TRIM28: variants seen among roughly 807,000 people sequenced by gnomAD.
The protein encoded by TRIM28 is transcription intermediary factor 1-beta.
In TRIM28, 8 loss-of-function variants were observed where a neutral mutation model predicts 87.4. That is an observed-to-expected ratio of 0.09 (90% CI 0.05 to 0.17). TRIM28 has a LOEUF of 0.17. TRIM28 is among the 10% of genes least tolerant of loss of function. The probability of loss-of-function intolerance (pLI) is 1.00; values close to 1 mark genes in which losing one functional copy is unlikely to be tolerated. For missense variants in TRIM28, 968 were observed against 1,131.8 expected (o/e 0.86, Z 2.08); for synonymous variants, 601 against 454.3 (o/e 1.32, Z -4.11).
In TRIM28 at chr19:58,550,128, G is replaced by A. The variant is rs754421629; in HGVS notation, c.2194-19G>A. Reference sequence around the variant, plus strand: ...TATATGTGTGTCTTTGTGTGTGTATGTGTGATCTCTGCCTGCAGGACCAGC... The same window carrying A: ...TATATGTGTGTCTTTGTGTGTGTATATGTGATCTCTGCCTGCAGGACCAGC... On this transcript the variant is annotated intron_variant, in intron 15 of 16. Transcript: ENST00000253024. The A allele has an allele frequency of 1.9e-6, 3 of 1,613,712 alleles. No individual in the cohort carries two copies. The highest frequency in any genetic ancestry group is 4.5e-5 in the East Asian group (2 of 44,886).
chr19:58,545,823 G>A lies in TRIM28; in HGVS notation c.513G>A (p.Glu171=). The A allele has an allele frequency of 1.9e-6, 3 of 1,612,304 alleles. No individual in the cohort carries two copies. Among genetic ancestry groups the A allele is most frequent in the Non-Finnish European group, 2.5e-6 (3 of 1,179,344 alleles). Reference sequence around the variant, plus strand: ...CCAGCTACTGTGTGGAGTGCTCGGAGCCTCTGTGTGAGACCTGTGTAGAGG... The same window carrying A: ...CCAGCTACTGTGTGGAGTGCTCGGAACCTCTGTGTGAGACCTGTGTAGAGG... ...PATSYCVECS[E]PLCETCVEAH... The change falls in exon 3 of 17, where the codon GAG becomes GAA. Residue 171 remains glutamate, a synonymous_variant. Coordinates refer to ENST00000253024, the MANE Select transcript of TRIM28 (RefSeq NM_005762.3).
At position 58,550,276 on chromosome 19, in the gene TRIM28, T is replaced by C. The variant is rs758867532; in HGVS notation, c.2323T>C (p.Leu775=). Residue 775 remains leucine, a synonymous_variant, in exon 16 of 17, where the codon TTA becomes CTA. Coordinates refer to ENST00000253024, the MANE Select transcript of TRIM28 (RefSeq NM_005762.3). The part of the protein sequence containing the change: ...VGRMFKQFNK[L]TEDKADVQSI... ...CCGCATGTTCAAGCAATTCAACAAG[T>C]TAACTGAGGTGAGCCAGTGGAATGG... 2.5e-6 allele frequency: 4 copies of C among 1,613,986 alleles called. No individual in the cohort carries two copies. The highest frequency in any genetic ancestry group is 3.3e-5 in the Admixed American group (2 of 60,006).
At position 58,548,508 on chromosome 19, in the gene TRIM28, T is replaced by C. The variant is rs1306096500; in HGVS notation, c.1239T>C (p.Pro413=). 1.9e-6 allele frequency: 3 copies of C among 1,614,076 alleles called. No individual in the cohort carries two copies. The highest frequency in any genetic ancestry group is 2.5e-6 in the Non-Finnish European group (3 of 1,180,010). Residue 413 remains proline, a synonymous_variant, in exon 9 of 17, where the codon CCT becomes CCC. Transcript: ENST00000253024. ...CAGGCAAGATTGTGGCAGAGCGTCC[T>C]GGCACTAACTCAACAGGCCCTGCAC... ...EAFGKIVAER[P]GTNSTGPAPM...
chr19:58,546,060 G>A (rs1018521743), intron 3 of TRIM28, among the ~76,000 whole-genome samples, 164 bp downstream of exon 3: 18 of 152,222 alleles, frequency 1.2e-4, no homozygotes, highest in African/African-American at 4.3e-4. Flanking sequence ...CTGGGGTTGT[G>A]GTGTGTAGTC....
Position 58,549,557 on chromosome 19 carries a change from T to C in TRIM28, c.1889T>C (p.Val630Ala). 1 of 1,614,104 alleles carries C rather than the reference T, an allele frequency of 6.2e-7. No individual in the cohort carries two copies. Among genetic ancestry groups the C allele is most frequent in the African/African-American group, 1.3e-5 (1 of 75,034 alleles). The change falls in exon 13 of 17, where the codon GTC becomes GCC. Residue 630 changes from valine (V) to alanine (A), a missense_variant. Physicochemically the swap from Val to Ala is moderately conservative, Grantham distance 64. This residue lies in a region of TRIM28 where 164 missense variants were observed against 146.2 expected (regional missense o/e 1.12). Transcript: ENST00000253024. The surrounding 1 kb of genome is among the most constrained non-coding windows in gnomAD (Gnocchi z 4.4). ...GATGACAGTGCCACCATTTGCCGTG[T>C]CTGCCAGAAGCCAGGCGATCTGGTT... ...TLDDSATICR[V>A]CQKPGDLVMC...
Position 58,547,823 on chromosome 19 carries a change from G to A in TRIM28, c.871G>A (p.Val291Met). Residue 291 changes from valine (V) to methionine (M), a missense_variant, in exon 6 of 17, where the codon GTG (valine) becomes ATG (methionine). Physicochemically the swap from Val to Met is conservative, Grantham distance 21. Transcript: ENST00000253024. ...IRQVSDVQKR[V>M]QVDVKMAILQ... ...CCAGGTGTCTGACGTACAGAAGCGT[G>A]TGCAAGTGGATGTCAAGATGGCCAT... The A allele has an allele frequency of 6.2e-7, 1 of 1,614,192 alleles. No individual in the cohort carries two copies. The highest frequency in any genetic ancestry group is 8.5e-7 in the Non-Finnish European group (1 of 1,180,040).
At position 58,550,547 on chromosome 19, in the gene TRIM28, C is replaced by A. The variant is rs558976903; in HGVS notation, c.2502C>A (p.Gly834=). 6.2e-7 allele frequency: 1 copy of A among 1,606,378 alleles called. No individual in the cohort carries two copies. Among genetic ancestry groups the A allele is most frequent in the South Asian group, 1.1e-5 (1 of 91,028 alleles). ...SQELSGGPGD[G]P ...AGCTGTCTGGTGGCCCTGGTGATGG[C>A]CCCTGAGGCTGGAGCCCCCATGGCC... The change falls in exon 17 of 17, where the codon GGC becomes GGA. Residue 834 remains glycine (G), a synonymous_variant. Coordinates refer to ENST00000253024, the MANE Select transcript of TRIM28 (RefSeq NM_005762.3).
chr19:58,548,082 A>G lies in TRIM28; in HGVS notation c.1003A>G (p.Met335Val). ...QERLERQHWT[M>V]TKIQKHQEHI... ...GCGCCTGGAGCGGCAGCACTGGACCATGACCAAGATCCAGAAGCACCAGGA... is the reference window on the plus strand; with the variant it reads ...GCGCCTGGAGCGGCAGCACTGGACCGTGACCAAGATCCAGAAGCACCAGGA... Residue 335 changes from methionine to valine, a missense_variant, in exon 7 of 17, where the codon ATG becomes GTG. Met to Val is a conservative substitution (Grantham distance 21). Around this residue, in one of 11 missense-constraint regions of TRIM28, gnomAD observed 84 missense variants for 139.9 expected, o/e 0.60. Coordinates refer to ENST00000253024, the MANE Select transcript of TRIM28 (RefSeq NM_005762.3). The G allele has an allele frequency of 1.2e-6, 2 of 1,614,200 alleles. No individual in the cohort carries two copies. The highest frequency in any genetic ancestry group is 1.7e-6 in the Non-Finnish European group (2 of 1,180,028).
Position 58,547,784 on chromosome 19 carries a change from T to C in TRIM28, c.840-8T>C. On this transcript the variant is annotated splice_region_variant and splice_polypyrimidine_tract_variant and intron_variant, in intron 5 of 16. Transcript: ENST00000253024. ...ACCCTACCTAGCCTGACCTGCTGTG[T>C]CCCCTAGAATCCGCCAGGTGTCTGA... The C allele has an allele frequency of 6.2e-7, 1 of 1,614,038 alleles. No individual in the cohort carries two copies. Among genetic ancestry groups the C allele is most frequent in the Non-Finnish European group, 8.5e-7 (1 of 1,180,002 alleles).
chr19:58,550,209 A>C lies in TRIM28; in HGVS notation c.2256A>C (p.Ser752=). 1.2e-6 allele frequency: 2 copies of C among 1,613,672 alleles called. No individual in the cohort carries two copies. The highest frequency in any genetic ancestry group is 1.7e-6 in the Non-Finnish European group (2 of 1,179,948). Residue 752 remains serine, a synonymous_variant, in exon 16 of 17, where the codon TCA becomes TCC. Transcript: ENST00000253024. ...GTGCCCGCCTCCAGGAGAAGTTGTC[A>C]CCTCCCTACAGCTCCCCACAGGAGT... ...LIRARLQEKL[S]PPYSSPQEFA... is the part of the protein sequence containing the mutation.
Position 58,548,136 on chromosome 19 carries a change from C to A in TRIM28, c.1057C>A (p.Leu353Met). ...EHILRFASWALESDNNTALLL... is the reference protein window; with the variant it reads ...EHILRFASWAMESDNNTALLL... ...CATTCTGCGCTTTGCCTCTTGGGCT[C>A]TGGAGAGTGACAACAACACAGCCCT... The change falls in exon 7 of 17, where the codon CTG becomes ATG. Residue 353 changes from leucine to methionine, a missense_variant. Around this residue, in one of 11 missense-constraint regions of TRIM28, gnomAD observed 84 missense variants for 139.9 expected, o/e 0.60. Transcript: ENST00000253024. 6.2e-7 allele frequency: 1 copy of A among 1,614,234 alleles called. No individual in the cohort carries two copies.
intron 7 of TRIM28, 25 bp downstream of exon 7, chr19:58,548,205 G>C: frequency 6.2e-7 from 1 of 1,613,568 alleles, no homozygotes; most frequent in Non-Finnish European, 8.5e-7. Flanking sequence ...GCTCCTGGCT[G>C]GTGGGTTCCA....
chr19:58,545,645 G>T, intron 2 of TRIM28, 108 bp downstream of exon 2: 3 of 1,515,502 alleles, frequency 2.0e-6, no homozygotes, highest in Non-Finnish European at 2.7e-6. Flanking sequence ...CAAGGCTCTG[G>T]GTGGGCTGCC....
intron 3 of TRIM28, chr19:58,547,147 A>G (rs2122627286): frequency 1.0e-5 from 6 of 572,540 alleles, no homozygotes; most frequent in East Asian, 3.0e-5. Flanking sequence ...TGTTATCTCT[A>G]GAAGCTAGAA....
At position 58,548,027 on chromosome 19, in the gene TRIM28, T is replaced by C; in HGVS notation, c.955-7T>C. On this transcript the variant is annotated splice_region_variant and splice_polypyrimidine_tract_variant and intron_variant, in intron 6 of 16. Coordinates refer to ENST00000253024, the MANE Select transcript of TRIM28 (RefSeq NM_005762.3). ...CTCTGCTTACCTCATACACCTTCTATCTGCAGAAGGTGACTGAGGGGCAGC... is the reference window on the plus strand; with the variant it reads ...CTCTGCTTACCTCATACACCTTCTACCTGCAGAAGGTGACTGAGGGGCAGC... 1 of 1,614,124 alleles carries C rather than the reference T, an allele frequency of 6.2e-7. No individual in the cohort carries two copies. The highest frequency in any genetic ancestry group is 1.7e-5 in the Admixed American group (1 of 60,026).
intron 3 of TRIM28, among the ~76,000 whole-genome samples, chr19:58,546,741 C>G (rs370743633): frequency 2.5e-4 from 38 of 152,246 alleles, no homozygotes; most frequent in East Asian, 1.4e-3. Context: ...GATCAGTTTT[C>G]TAATGGGGAG....
rs2053746309 is a variant in TRIM28, at chr19:58,544,902, T to G, written c.145T>G (p.Ser49Ala). The G allele has an allele frequency of 8.0e-6, 11 of 1,381,138 alleles. No individual in the cohort carries two copies. The highest frequency in any genetic ancestry group is 7.7e-5 in the African/African-American group (5 of 65,298). The allele number at this position is 1,381,138 out of a possible 1,614,324, so 85.6% of individuals were successfully genotyped here. ...AASASASAAA[S>A]SPAGGGAEAL... ...CTCGGCCTCTGCCTCAGCCGCGGCG[T>G]CGTCGCCCGCGGGGGGCGGCGCCGA... is the stretch of plus-strand genomic sequence containing the variant. The change falls in exon 1 of 17, where the codon TCG becomes GCG. Residue 49 changes from serine to alanine, a missense_variant. By Grantham distance (99) the Ser-to-Ala change is moderately conservative (BLOSUM62 1). Transcript: ENST00000253024.
chr19:58,549,237 C>G lies in TRIM28; in HGVS notation c.1659C>G (p.Val553=), dbSNP rs1226094568. 5 of 1,612,750 alleles carry G rather than the reference C, an allele frequency of 3.1e-6. No individual in the cohort carries two copies. The highest frequency in any genetic ancestry group is 4.2e-6 in the Non-Finnish European group (5 of 1,179,130). The part of the protein sequence containing the change: ...GAPPLAGMAI[V]KEEETEAAIG... ...CACCCCTGGCTGGCATGGCCATTGT[C>G]AAGGTAAGCCTGTCCCAAGGAACTA... The change falls in exon 12 of 17, where the codon GTC becomes GTG. Residue 553 remains valine (V), a synonymous_variant. Transcript: ENST00000253024. This position sits in a 1 kb window ranked among gnomAD's most constrained non-coding sequence, Gnocchi z 4.4.
intron 15 of TRIM28, 21 bp from the exon 16 acceptor site, chr19:58,550,126 A>C (rs1046844677): frequency 1.2e-6 from 2 of 1,613,374 alleles, no homozygotes; most frequent in Non-Finnish European, 1.7e-6. Flanking sequence ...TTGTGTGTGT[A>C]TGTGTGATCT....
Sources: gnomAD v4.1 joint callset for allele counts (sites outside exome capture counted in the v4.1 genomes callset) on GRCh38, gnomAD v4.1.1 for gene constraint, gnomAD v4.1.1 regional missense constraint, Gnocchi (gnomAD v3.1) non-coding constraint, MANE v1.5 for transcripts, NCBI Gene and HGNC (gene_info 2026-07-23, HGNC 2026-07-21) for gene names.